Variants in DRGX observed in about 807,000 individuals in gnomAD.
DRGX encodes the protein dorsal root ganglia homeobox.
In DRGX, 21 loss-of-function variants were observed where a neutral mutation model predicts 28.6. The observed-to-expected ratio is 0.73, with a 90% CI of 0.52 to 1.06. The LOEUF is 1.06. Among genes scored for constraint, DRGX ranks in the 50% least tolerant of loss-of-function variants. The pLI is 0.00. For missense variants in DRGX, 354 were observed against 343.9 expected (o/e 1.03, Z -0.23); for synonymous variants, 136 against 139.1 (o/e 0.98, Z 0.16).
At chr10:49,390,257 A>C in intron 3 of DRGX, 23 bp from the exon 4 acceptor site, 1 of 1,588,558 alleles carries the variant, frequency 6.3e-7, no homozygotes, top group Non-Finnish European at 8.6e-7. Flanking sequence ...AAAAATATGT[A>C]CTGGTGAGAG....
chr10:49,390,108 T>C, intron 4 of DRGX, 25 bp downstream of exon 4: 1 of 1,572,822 alleles, frequency 6.4e-7, no homozygotes. Context: ...TATTAGAGAG[T>C]TAAATAATTA....
intron 6 of DRGX, among the ~76,000 whole-genome samples, chr10:49,380,391 C>G (rs1246156040): frequency 3.3e-5 from 5 of 152,196 alleles, no homozygotes; most frequent in Non-Finnish European, 1.5e-5. Flanking sequence ...CAAGCGCCTC[C>G]CTGGCCATTA....
intron 4 of DRGX, among the ~76,000 whole-genome samples, chr10:49,388,815 C>T (rs1335617869): frequency 1.3e-5 from 2 of 149,522 alleles, no homozygotes; most frequent in African/African-American, 4.9e-5. Flanking sequence ...TAAATGTAAA[C>T]ACATCTCCCT....
chr10:49,366,186 G>A lies in DRGX; in HGVS notation c.722C>T (p.Ala241Val), dbSNP rs368054205. ...CTTTTCCTGGCTGCCATCTGGGGGC[G>A]CCGGCTTGGCGACAGGGCCGGGGCT... ...SSSPGPVAKP[A>V]PPDGSQEKTS... is the part of the protein sequence containing the mutation. Residue 241 changes from alanine to valine, a missense_variant, in exon 7 of 7, where the codon GCG becomes GTG. Physicochemically the swap from Ala to Val is moderately conservative, Grantham distance 64. Coordinates refer to ENST00000374139, the MANE Select transcript of DRGX (RefSeq NM_001276451.2). The A allele has an allele frequency of 6.8e-5, 109 of 1,612,830 alleles. No homozygotes were observed. The highest frequency in any genetic ancestry group is 1.5e-4 in the South Asian group (14 of 90,988).
At chr10:49,395,654 G>T in intron 1 of DRGX, 133 bp from the exon 2 acceptor site, 2 of 627,070 alleles carry the variant, frequency 3.2e-6, no homozygotes, top group Non-Finnish European at 5.6e-6. Flanking sequence ...GGACAGGAGG[G>T]AAGGCGGCAG....
chr10:49,366,184 G>A lies in DRGX; in HGVS notation c.724C>T (p.Pro242Ser). Residue 242 changes from proline (P) to serine (S), a missense_variant, in exon 7 of 7, where the codon CCC becomes TCC. Transcript: ENST00000374139. The stretch of plus-strand genomic sequence containing the variant: ...GTCTTTTCCTGGCTGCCATCTGGGG[G>A]CGCCGGCTTGGCGACAGGGCCGGGG... ...SSPGPVAKPA[P>S]PDGSQEKTSP... The A allele has an allele frequency of 1.2e-6, 2 of 1,613,040 alleles. No individual in the cohort carries two copies. Among genetic ancestry groups the A allele is most frequent in the Non-Finnish European group, 1.7e-6 (2 of 1,179,396 alleles).
At chr10:49,395,284 A>C (rs936022550) in intron 2 of DRGX, 123 bp downstream of exon 2, 1 of 1,243,458 alleles carries the variant, frequency 8.0e-7, no homozygotes, top group African/African-American at 1.5e-5. Flanking sequence ...GCCCCTACTC[A>C]CCGGCAGGCG....
At position 49,364,632 on chromosome 10, in the gene DRGX, A is replaced by G. The variant is rs2132465216; in HGVS notation, c.*1484T>C. On this transcript the variant is annotated 3_prime_UTR_variant, in exon 7 of 7. Coordinates refer to ENST00000374139, the MANE Select transcript of DRGX (RefSeq NM_001276451.2). Reference sequence around the variant, plus strand: ...TTTTGGCAAATCGTTTCATCTTTATACTCAACAAGCAAAATACAGCAGGAA... The same window carrying G: ...TTTTGGCAAATCGTTTCATCTTTATGCTCAACAAGCAAAATACAGCAGGAA... The G allele has an allele frequency of 6.6e-6, 1 of 152,238 alleles. No individual in the cohort carries two copies. The highest frequency in any genetic ancestry group is 2.4e-5 in the African/African-American group (1 of 41,520). 9.4% of individuals were successfully genotyped at this position (152,238 alleles called of 1,614,324 possible).
chr10:49,392,308 T>G (rs1164837246), intron 2 of DRGX, among the ~76,000 whole-genome samples: 1 of 152,222 alleles, frequency 6.6e-6, no homozygotes, highest in African/African-American at 2.4e-5. Flanking sequence ...TTGGGCTTCT[T>G]AAAATTCTGT....
At chr10:49,375,776 A>G (rs1181404578) in intron 6 of DRGX, among the ~76,000 whole-genome samples, 1 of 152,098 alleles carries the variant, frequency 6.6e-6, no homozygotes, top group East Asian at 1.9e-4. Context: ...CCCAGATCCA[A>G]GGACACAGCC....
In DRGX at chr10:49,369,094, C is replaced by T. The variant is rs116563595; in HGVS notation, c.527-2713G>A. ...TCTGTAACTCAGTGGCAAATCTAGC[C>T]ATGTGCCAGACGTAGAAGTGACAGA... On this transcript the variant is annotated intron_variant, in intron 6 of 6. Coordinates refer to ENST00000374139, the MANE Select transcript of DRGX (RefSeq NM_001276451.2). Among the ~76,000 whole-genome samples the T allele has an allele frequency of 3.8e-3, 578 of 152,294 alleles. 3 individuals carry two copies. The highest frequency in any genetic ancestry group is 0.013 in the African/African-American group (543 of 41,560).
In DRGX at chr10:49,395,401, A is replaced by G; in HGVS notation, c.34+6T>C. On this transcript the variant is annotated splice_donor_region_variant and intron_variant, in intron 2 of 6. Coordinates refer to ENST00000374139, the MANE Select transcript of DRGX (RefSeq NM_001276451.2). ...ATGGAGACCCTGGGGCGCAGCGCTT[A>G]CTTACCCTCTAGCTGTGGCGGGCAG... 5 of 1,550,184 alleles carry G rather than the reference A, an allele frequency of 3.2e-6. No homozygotes were observed. Among genetic ancestry groups the G allele is most frequent in the Non-Finnish European group, 4.4e-6 (5 of 1,146,852 alleles).
chr10:49,395,334 G>T, intron 2 of DRGX, 73 bp downstream of exon 2: 1 of 1,535,528 alleles, frequency 6.5e-7, no homozygotes. Context: ...CCACCCACCA[G>T]CCCTGCTGCC....
At chr10:49,372,040 A>C (rs1258212544) in intron 6 of DRGX, among the ~76,000 whole-genome samples, 1 of 152,184 alleles carries the variant, frequency 6.6e-6, no homozygotes, top group Non-Finnish European at 1.5e-5. Flanking sequence ...AATGCATAAT[A>C]ACCTGGAGCC....
At chr10:49,372,868 C>T (rs550481995) in intron 6 of DRGX, among the ~76,000 whole-genome samples, 6 of 152,298 alleles carry the variant, frequency 3.9e-5, no homozygotes, top group Non-Finnish European at 5.9e-5. Flanking sequence ...ATTTATACTG[C>T]CAAGAGAATT....
intron 6 of DRGX, among the ~76,000 whole-genome samples, chr10:49,371,566 G>A (rs1849659697): frequency 6.6e-6 from 1 of 151,690 alleles, no homozygotes; most frequent in African/African-American, 2.4e-5. Flanking sequence ...CCAAGGCAGG[G>A]GGATCACCTG....
At chr10:49,391,307 C>T in intron 2 of DRGX, 46 bp from the exon 3 acceptor site, 2 of 1,521,358 alleles carry the variant, frequency 1.3e-6, no homozygotes, top group South Asian at 1.2e-5. Context: ...GGGCCCCAGT[C>T]CTCAGACCGC....
At chr10:49,370,107 G>A (rs1346432648) in intron 6 of DRGX, among the ~76,000 whole-genome samples, 2 of 152,148 alleles carry the variant, frequency 1.3e-5, no homozygotes, top group African/African-American at 2.4e-5. Context: ...TGTGCACTGA[G>A]CAACAAGAGT....
At chr10:49,382,843 A>G (rs1440500030) in intron 6 of DRGX, among the ~76,000 whole-genome samples, 1 of 152,112 alleles carries the variant, frequency 6.6e-6, no homozygotes, top group Admixed American at 6.5e-5. Context: ...GGGAGACTCT[A>G]TCATATTCTC....
Sources: gnomAD v4.1 joint callset for allele counts (sites outside exome capture counted in the v4.1 genomes callset) on GRCh38, gnomAD v4.1.1 for gene constraint, MANE v1.5 for transcripts, NCBI Gene and HGNC (gene_info 2026-07-23, HGNC 2026-07-21) for gene names.